Variants in TBC1D22A observed in about 807,000 individuals in gnomAD.
TBC1D22A encodes putative GTPase activator.
TBC1D22A carries 38 observed loss-of-function variants against 60.2 expected under a neutral mutation model. The ratio of observed to expected loss-of-function variants is 0.63; its 90% CI spans 0.49 to 0.83. The LOEUF is 0.83. TBC1D22A is among the 40% of genes least tolerant of loss of function. TBC1D22A has a pLI of 0.00. For missense variants in TBC1D22A, 628 were observed against 701.0 expected (o/e 0.90, Z 1.18); for synonymous variants, 302 against 281.7 (o/e 1.07, Z -0.72).
At chr22:47,008,443 G>C (rs1272234818) in intron 10 of TBC1D22A, among the ~76,000 whole-genome samples, 1 of 152,094 alleles carries the variant, frequency 6.6e-6, no homozygotes, top group Non-Finnish European at 1.5e-5. Flanking sequence ...GAGTTGGCCT[G>C]GAGACCCTGC....
At chr22:46,794,432 C>T (rs1362221589) in intron 3 of TBC1D22A, among the ~76,000 whole-genome samples, 1 of 152,204 alleles carries the variant, frequency 6.6e-6, no homozygotes. Flanking sequence ...CACTGGTGTG[C>T]AGCAGCTGTT....
chr22:46,901,552 CGA>C (rs1032760252), intron 7 of TBC1D22A, among the ~76,000 whole-genome samples: 3 of 152,146 alleles, frequency 2.0e-5, no homozygotes, highest in African/African-American at 7.2e-5. Flanking sequence ...CTGCTCATCG[CGA>C]GAGAGTTCTA....
At position 46,846,575 on chromosome 22, in the gene TBC1D22A, T is replaced by G. The variant is rs2087004342; in HGVS notation, c.638-32078T>G. ...GGGCCACCTTTACCATCTCTCACAC[T>G]TAAAAAACAAAAAAAACTGTGTTAT... On this transcript the variant is annotated intron_variant, in intron 4 of 12. Transcript: ENST00000337137. 2.0e-5 allele frequency among the ~76,000 whole-genome samples: 3 copies of G among 152,140 alleles called. No individual in the cohort carries two copies. The South Asian group carries it at 6.2e-4, about 31-fold the overall frequency.
intron 10 of TBC1D22A, among the ~76,000 whole-genome samples, chr22:46,999,665 C>A (rs1159182064): frequency 1.3e-5 from 2 of 151,974 alleles, no homozygotes; most frequent in African/African-American, 4.8e-5. Context: ...GAACTTTTTG[C>A]AGGGATTGTA....
rs113952824 is a variant in TBC1D22A at position 46,955,967 on chromosome 22, T to C, written c.1016-18323T>C. On this transcript the variant is annotated intron_variant, in intron 8 of 12. Transcript: ENST00000337137. ...CAGATGCCCACCGATAGAGGAAGTTTAAAGCCATTGGGTACATTGATTTCT... is the reference window on the plus strand; with the variant it reads ...CAGATGCCCACCGATAGAGGAAGTTCAAAGCCATTGGGTACATTGATTTCT... Among the ~76,000 whole-genome samples, 1,029 of 152,338 alleles carry C rather than the reference T, an allele frequency of 6.8e-3. 15 individuals carry two copies. Among genetic ancestry groups the C allele is most frequent in the African/African-American group, 0.024 (981 of 41,580 alleles).
chr22:46,807,020 G>T (rs1361906428), intron 4 of TBC1D22A, among the ~76,000 whole-genome samples: 2 of 152,260 alleles, frequency 1.3e-5, no homozygotes, highest in African/African-American at 2.4e-5. Flanking sequence ...TATTTTATAA[G>T]AGGATTGGCA....
At chr22:46,988,502 G>A (rs1269518501) in intron 9 of TBC1D22A, among the ~76,000 whole-genome samples, 1 of 152,200 alleles carries the variant, frequency 6.6e-6, no homozygotes, top group East Asian at 1.9e-4. Flanking sequence ...TCTGCAGAAC[G>A]AATATGGCAT....
At chr22:46,988,565 T>TG (rs918311299) in intron 9 of TBC1D22A, among the ~76,000 whole-genome samples, 3 of 152,218 alleles carry the variant, frequency 2.0e-5, no homozygotes, top group African/African-American at 7.2e-5. Flanking sequence ...TCAGAGCTCT[T>TG]GGGGGACCAG....
intron 8 of TBC1D22A, chr22:46,915,852 A>G (rs776386318): frequency 2.2e-6 from 1 of 454,352 alleles, no homozygotes; most frequent in South Asian, 1.5e-5. Context: ...GGTCCTGAGT[A>G]GGAGCAGCTC....
intron 12 of TBC1D22A, among the ~76,000 whole-genome samples, chr22:47,171,711 G>A (rs1334306319): frequency 6.6e-6 from 1 of 152,198 alleles, no homozygotes; most frequent in East Asian, 1.9e-4. Context: ...GGATGTGGGC[G>A]TGGTCATGTG....
In TBC1D22A at chr22:46,904,137, A is replaced by G. The variant is rs867752394; in HGVS notation, c.901-7937A>G. Among the ~76,000 whole-genome samples the G allele has an allele frequency of 1.3e-3, 120 of 95,410 alleles. 1 individual carries two copies. The highest frequency in any genetic ancestry group is 2.1e-3 in the Non-Finnish European group (91 of 42,410). 62.6% of individuals were successfully genotyped at this position (95,410 alleles called of 152,430 possible). A position where few individuals can be genotyped will look rare whatever the true frequency, so the allele number is the denominator to read the frequency against. On this transcript the variant is annotated intron_variant, in intron 7 of 12. Coordinates refer to ENST00000337137, the MANE Select transcript of TBC1D22A (RefSeq NM_014346.5). ...TATCTATCTATCTATCTATCTATCTATCTATCTACCTACCTACCTACCTAC... is the reference window on the plus strand; with the variant it reads ...TATCTATCTATCTATCTATCTATCTGTCTATCTACCTACCTACCTACCTAC...
intron 5 of TBC1D22A, among the ~76,000 whole-genome samples, chr22:46,879,377 G>A (rs1158884797): frequency 1.3e-5 from 2 of 152,160 alleles, no homozygotes; most frequent in Non-Finnish European, 2.9e-5. Flanking sequence ...GTTTGGCCCT[G>A]CCCACCATTT....
At chr22:46,947,839 T>C (rs2072647069) in intron 8 of TBC1D22A, among the ~76,000 whole-genome samples, 1 of 152,230 alleles carries the variant, frequency 6.6e-6, no homozygotes, top group Non-Finnish European at 1.5e-5. Flanking sequence ...CTGCCTGTTC[T>C]TTCTGAGGAT....
intron 8 of TBC1D22A, among the ~76,000 whole-genome samples, chr22:46,968,886 T>G (rs775858541): frequency 3.3e-5 from 5 of 152,210 alleles, no homozygotes; most frequent in African/African-American, 1.2e-4. Context: ...TTTCAAAAAC[T>G]TAGCTTTGTT....
rs537321838 is a variant in TBC1D22A, at chr22:46,883,681, G to C, written c.708+4958G>C. Among the ~76,000 whole-genome samples the C allele has an allele frequency of 2.0e-5, 3 of 152,356 alleles. No individual in the cohort carries two copies. The East Asian group carries it at 5.8e-4, about 29-fold the overall frequency. ...GTCAGGCTGCCTACACCACGGCCTA[G>C]CTGATCACCCCTGCTGGCCCACGCT... On this transcript the variant is annotated intron_variant, in intron 5 of 12. Transcript: ENST00000337137.
chr22:46,812,309 C>G (rs2085411468), intron 4 of TBC1D22A, among the ~76,000 whole-genome samples: 3 of 152,220 alleles, frequency 2.0e-5, no homozygotes, highest in African/African-American at 7.2e-5. Flanking sequence ...TCCCTGGCAC[C>G]AGCGCTGGCT....
At chr22:46,803,391 G>C (rs976943448) in intron 4 of TBC1D22A, among the ~76,000 whole-genome samples, 1 of 152,202 alleles carries the variant, frequency 6.6e-6, no homozygotes, top group African/African-American at 2.4e-5. Context: ...TTGGAGGCCT[G>C]AGGAAGGGCG....
chr22:46,828,904 T>C (rs2086187240), intron 4 of TBC1D22A, among the ~76,000 whole-genome samples: 1 of 152,226 alleles, frequency 6.6e-6, no homozygotes, highest in Non-Finnish European at 1.5e-5. Context: ...CTCATGGGTC[T>C]TATTTCATAC....
intron 10 of TBC1D22A, among the ~76,000 whole-genome samples, chr22:47,025,638 A>G (rs901314559): frequency 6.6e-6 from 1 of 152,262 alleles, no homozygotes; most frequent in Non-Finnish European, 1.5e-5. Context: ...AGGGAAACCT[A>G]TAGCACTAAG....
Sources: gnomAD v4.1 joint callset for allele counts (sites outside exome capture counted in the v4.1 genomes callset) on GRCh38, gnomAD v4.1.1 for gene constraint, MANE v1.5 for transcripts, NCBI Gene and HGNC (gene_info 2026-07-23, HGNC 2026-07-21) for gene names.